The following UBQLN1 variants were observed in gnomAD, a reference collection of about 807,000 sequenced individuals.
UBQLN1 encodes the protein ubiquilin-1.
Under a neutral mutation model 65.4 loss-of-function variants are expected in UBQLN1, and 13 were observed. The observed-to-expected ratio is 0.20, with a 90% CI of 0.13 to 0.32. The LOEUF is 0.32. Among genes scored for constraint, UBQLN1 ranks in the 10% least tolerant of loss-of-function variants. The pLI, the probability that UBQLN1 is intolerant of heterozygous loss-of-function variation, is 1.00. For synonymous variants in UBQLN1, 267 were observed against 247.8 expected (o/e 1.08, Z -0.73); for missense variants, 561 against 724.0 (o/e 0.77, Z 2.58).
intron 6 of UBQLN1, among the ~76,000 whole-genome samples, chr9:83,671,260 G>A (rs1467875045): frequency 1.3e-5 from 2 of 152,162 alleles, no homozygotes; most frequent in Non-Finnish European, 2.9e-5. Context: ...TCCTGTTCAT[G>A]TTGATATTTT....
At position 83,660,974 on chromosome 9, in the gene UBQLN1, A is replaced by G. The variant is rs936404394; in HGVS notation, c.*813T>C. On this transcript the variant is annotated 3_prime_UTR_variant, in exon 11 of 11. Transcript: ENST00000376395. Reference sequence around the variant, plus strand: ...AGGCAAATGCACTTTGGGGTATACTACAGTGTTCCTTCAGTCTGCACAAAG... The same window carrying G: ...AGGCAAATGCACTTTGGGGTATACTGCAGTGTTCCTTCAGTCTGCACAAAG... 2.6e-5 allele frequency: 4 copies of G among 152,368 alleles called. No individual in the cohort carries two copies. The East Asian group carries it at 7.7e-4, about 29-fold the overall frequency. The allele number at this position is 152,368 out of a possible 1,614,324, so 9.4% of individuals were successfully genotyped here.
intron 6 of UBQLN1, among the ~76,000 whole-genome samples, chr9:83,669,645 T>C (rs1188220223): frequency 6.6e-6 from 1 of 152,198 alleles, no homozygotes; most frequent in African/African-American, 2.4e-5. Flanking sequence ...AAAAATTCCA[T>C]AAAGTGAAAA....
Position 83,707,649 on chromosome 9 carries a change from G to A in UBQLN1, c.31C>T (p.Pro11Ser), listed in dbSNP as rs767928636. MAESGESGGPPGSQDSAAGAE... is the reference protein window; with the variant it reads MAESGESGGPSGSQDSAAGAE... ...CCGGCGGCGCTATCCTGGGAGCCCGGAGGACCGCCGCTTTCACCACTCTCG... is the reference window on the plus strand; with the variant it reads ...CCGGCGGCGCTATCCTGGGAGCCCGAAGGACCGCCGCTTTCACCACTCTCG... The change falls in exon 1 of 11, where the codon CCG becomes TCG. Residue 11 changes from proline (P) to serine (S), a missense_variant. Pro to Ser is a moderately conservative substitution (Grantham distance 74, BLOSUM62 -1). Around this residue, in one of 8 missense-constraint regions of UBQLN1, gnomAD observed 101 missense variants for 104.9 expected, o/e 0.96. Coordinates refer to ENST00000376395, the MANE Select transcript of UBQLN1 (RefSeq NM_013438.5). 1.9e-6 allele frequency: 3 copies of A among 1,563,102 alleles called. No homozygotes were observed. Among genetic ancestry groups the A allele is most frequent in the African/African-American group, 2.7e-5 (2 of 73,418 alleles).
At chr9:83,672,336 A>G (rs1289474612) in intron 6 of UBQLN1, among the ~76,000 whole-genome samples, 1 of 152,192 alleles carries the variant, frequency 6.6e-6, no homozygotes, top group East Asian at 1.9e-4. Context: ...CAAGAGGCCT[A>G]GCTTTTGGCC....
At chr9:83,703,963 T>C (rs370231025) in intron 1 of UBQLN1, among the ~76,000 whole-genome samples, 21 of 152,220 alleles carry the variant, frequency 1.4e-4, no homozygotes, top group East Asian at 7.7e-4. Context: ...AGCATGTTCA[T>C]ATAAACAGAA....
At chr9:83,696,836 G>C (rs1304595233) in intron 1 of UBQLN1, among the ~76,000 whole-genome samples, 2 of 152,118 alleles carry the variant, frequency 1.3e-5, no homozygotes, top group Admixed American at 1.3e-4. Context: ...AGGGGGGCTG[G>C]GTGAAGGAGA....
At chr9:83,664,408 G>C (rs978166447) in intron 9 of UBQLN1, among the ~76,000 whole-genome samples, 1 of 152,066 alleles carries the variant, frequency 6.6e-6, no homozygotes, top group Non-Finnish European at 1.5e-5. Context: ...GATGGAGTGA[G>C]ACTATCTCTA....
intron 1 of UBQLN1, among the ~76,000 whole-genome samples, chr9:83,701,145 A>G (rs1832303388): frequency 6.6e-6 from 1 of 152,250 alleles, no homozygotes; most frequent in Non-Finnish European, 1.5e-5. Context: ...TGTTTAGGTT[A>G]TAGCTGTTGA....
chr9:83,695,201 C>CTT (rs36072668), intron 1 of UBQLN1, among the ~76,000 whole-genome samples: 34,124 of 133,168 alleles, frequency 0.26, 5,438 homozygotes, highest in East Asian at 0.79. Context: ...GCCCTCCCAC[C>CTT]TTTTTTTTTT....
At chr9:83,664,873 T>A (rs368560665) in intron 9 of UBQLN1, among the ~76,000 whole-genome samples, 157 bp downstream of exon 9, 1 of 136,308 alleles carries the variant, frequency 7.3e-6, no homozygotes, top group African/African-American at 2.8e-5. Flanking sequence ...GAGCCACAAC[T>A]GCGCCCCCAC....
chr9:83,666,623 A>T (rs1831648166), intron 7 of UBQLN1, 190 bp from the exon 8 acceptor site: 1 of 500,456 alleles, frequency 2.0e-6, no homozygotes, highest in Admixed American at 3.3e-5. Context: ...AAACAAAAAA[A>T]TGAGGCATAT....
intron 6 of UBQLN1, among the ~76,000 whole-genome samples, chr9:83,675,464 C>T (rs1002978179): frequency 4.6e-4 from 62 of 135,328 alleles, no homozygotes; most frequent in African/African-American, 1.6e-3. Context: ...ACTTCCTATG[C>T]CGTCAAAAAA....
chr9:83,707,066 G>A (rs1832421291), intron 1 of UBQLN1, among the ~76,000 whole-genome samples: 1 of 152,064 alleles, frequency 6.6e-6, no homozygotes, highest in African/African-American at 2.4e-5. Context: ...AAACAACGAG[G>A]ATCCCACCCA....
At chr9:83,676,068 C>T (rs1831827015) in intron 6 of UBQLN1, among the ~76,000 whole-genome samples, 1 of 152,168 alleles carries the variant, frequency 6.6e-6, no homozygotes, top group Admixed American at 6.5e-5. Context: ...TCAACTCCTG[C>T]TCTAACACTT....
At chr9:83,665,900 C>T (rs556691892) in intron 8 of UBQLN1, among the ~76,000 whole-genome samples, 4 of 150,648 alleles carry the variant, frequency 2.7e-5, no homozygotes, top group East Asian at 3.9e-4. Context: ...TTACTAATCC[C>T]GAGTTTGAGG....
At chr9:83,696,485 G>C (rs539157201) in intron 1 of UBQLN1, among the ~76,000 whole-genome samples, 92 of 151,960 alleles carry the variant, frequency 6.1e-4, no homozygotes, top group African/African-American at 2.0e-3. Context: ...AACCCAATAA[G>C]AAAAATAGCT....
At position 83,664,400 on chromosome 9, in the gene UBQLN1, T is replaced by C. The variant is rs74780193; in HGVS notation, c.1449-357A>G. 5.1e-3 allele frequency among the ~76,000 whole-genome samples: 774 copies of C among 152,134 alleles called. 7 individuals carry two copies. The highest frequency in any genetic ancestry group is 0.018 in the African/African-American group (744 of 41,502). ...CGCCACTGCACTCCAGTCTGCTCGA[T>C]GGAGTGAGACTATCTCTAAAAGGAA... On this transcript the variant is annotated intron_variant, in intron 9 of 10. Transcript: ENST00000376395.
chr9:83,682,003 T>C (rs2131163730), intron 3 of UBQLN1, among the ~76,000 whole-genome samples: 1 of 152,332 alleles, frequency 6.6e-6, no homozygotes, highest in Middle Eastern at 3.4e-3. Context: ...TTTGTTGTAA[T>C]AAGCCACTGA....
chr9:83,682,885 G>T, intron 3 of UBQLN1, 66 bp downstream of exon 3: 2 of 779,846 alleles, frequency 2.6e-6, no homozygotes, highest in African/African-American at 1.8e-5. Flanking sequence ...CATTTTATCT[G>T]AAACTACCCA....
Sources: allele counts gnomAD v4.1 joint callset (sites outside exome capture counted in the v4.1 genomes callset), GRCh38; gene constraint gnomAD v4.1.1; regional missense constraint gnomAD v4.1.1; transcripts MANE v1.5; gene names NCBI Gene and HGNC (gene_info 2026-07-23, HGNC 2026-07-21).